Variants in WDR89 observed in about 807,000 individuals in gnomAD.
WDR89 encodes WD repeat domain 89, also known as WD repeat-containing protein 89.
Under a neutral mutation model 29.1 loss-of-function variants are expected in WDR89, and 17 were observed. The ratio of observed to expected loss-of-function variants is 0.58; its 90% CI spans 0.40 to 0.88. The LOEUF (loss-of-function observed/expected upper bound fraction) is 0.88, where lower values mean the gene tolerates loss of function less well. WDR89 is among the 40% of genes least tolerant of loss of function. The pLI is 0.00. For missense variants in WDR89, 396 were observed against 456.3 expected, an observed-to-expected ratio of 0.87 and a Z score of 1.20; for synonymous variants, 138 against 157.8, an observed-to-expected ratio of 0.87 and a Z score of 0.94.
intron 2 of WDR89, among the ~76,000 whole-genome samples, chr14:63,618,732 G>A (rs1166704862): frequency 6.6e-6 from 1 of 151,960 alleles, no homozygotes; most frequent in African/African-American, 2.4e-5. Flanking sequence ...TCAGCAAAAA[G>A]GATAGCAAAA....
In WDR89 at chr14:63,602,229, C is replaced by T. The variant is rs1022055785; in HGVS notation, c.-31-2256G>A. ...GTGGCTCATGCCTGTAATCCCAACACTTCTGGAGGCCGAGGCAGCGATCAC... is the reference window on the plus strand; with the variant it reads ...GTGGCTCATGCCTGTAATCCCAACATTTCTGGAGGCCGAGGCAGCGATCAC... On this transcript the variant is annotated intron_variant, in intron 2 of 2. Coordinates refer to ENST00000620954, the MANE Select transcript of WDR89 (RefSeq NM_080666.4). Among the ~76,000 whole-genome samples the T allele has an allele frequency of 3.9e-5, 6 of 152,076 alleles. No individual in the cohort carries two copies. The South Asian group carries it at 1.2e-3, about 31-fold the overall frequency.
At chr14:63,611,948 G>A (rs1450137348) in intron 2 of WDR89, among the ~76,000 whole-genome samples, 2 of 151,894 alleles carry the variant, frequency 1.3e-5, no homozygotes, top group Non-Finnish European at 2.9e-5. Flanking sequence ...GGCTGGTCTC[G>A]AACTCTTGAG....
Position 63,599,069 on chromosome 14 carries a change from T to C in WDR89, c.874A>G (p.Ile292Val). ...YHEKTDTLHV[I>V]GGTNKGRIHL... ...ATCCTTCCTTTGTTTGTTCCTCCAA[T>C]AACATGCAATGTGTCTGTCTTTTCA... The change falls in exon 3 of 3, where the codon ATT becomes GTT. Residue 292 changes from isoleucine (I) to valine (V), a missense_variant. Physicochemically the swap from Ile to Val is conservative, Grantham distance 29 (BLOSUM62 3). Coordinates refer to ENST00000620954, the MANE Select transcript of WDR89 (RefSeq NM_080666.4). 1 of 1,614,220 alleles carries C rather than the reference T, an allele frequency of 6.2e-7. No homozygotes were observed. Among genetic ancestry groups the C allele is most frequent in the Non-Finnish European group, 8.5e-7 (1 of 1,180,034 alleles).
At chr14:63,634,157 C>G (rs573123772) in intron 1 of WDR89, among the ~76,000 whole-genome samples, 2 of 151,824 alleles carry the variant, frequency 1.3e-5, no homozygotes, top group African/African-American at 4.8e-5. Context: ...GAGGCCGAGG[C>G]AGGTGTATCA....
At chr14:63,618,848 G>A (rs888072359) in intron 2 of WDR89, among the ~76,000 whole-genome samples, 3 of 152,224 alleles carry the variant, frequency 2.0e-5, no homozygotes, top group Non-Finnish European at 4.4e-5. Flanking sequence ...AAAATCTGAA[G>A]AATCTTAACG....
chr14:63,614,689 T>C (rs1412937879), intron 2 of WDR89, among the ~76,000 whole-genome samples: 4 of 152,218 alleles, frequency 2.6e-5, no homozygotes, highest in Non-Finnish European at 4.4e-5. Context: ...AAAACATTTA[T>C]AATTTAGAGA....
chr14:63,605,078 G>C (rs905797155), intron 2 of WDR89, among the ~76,000 whole-genome samples: 2 of 152,066 alleles, frequency 1.3e-5, no homozygotes, highest in African/African-American at 4.8e-5. Flanking sequence ...GAGCCCGGGA[G>C]GCTGAGGCTG....
intron 2 of WDR89, among the ~76,000 whole-genome samples, chr14:63,602,629 A>T (rs902441170): frequency 8.8e-5 from 13 of 147,976 alleles, no homozygotes; most frequent in African/African-American, 3.2e-4. Context: ...AAAATTAGCC[A>T]GGCGTGGTGG....
rs780470544 is a variant in WDR89 at position 63,599,050 on chromosome 14, CCTTT to C, written c.889_892del (p.Lys297GlufsTer5). The C allele has an allele frequency of 1.0e-4, 167 of 1,614,218 alleles. No homozygotes were observed. The highest frequency in any genetic ancestry group is 1.6e-4 in the African/African-American group (12 of 75,058). On this transcript the variant is annotated frameshift_variant, in exon 3 of 3. Coordinates refer to ENST00000620954, the MANE Select transcript of WDR89 (RefSeq NM_080666.4). LOFTEE classifies it high-confidence loss of function. The stretch of plus-strand genomic sequence containing the variant: ...GCTGCAGTTCATCAAATGAATCCTT[CCTTT>C]GTTTGTTCCTCCAATAACATGCAAT...
intron 2 of WDR89, among the ~76,000 whole-genome samples, chr14:63,621,061 T>C (rs1882665209): frequency 6.6e-6 from 1 of 152,094 alleles, no homozygotes; most frequent in Non-Finnish European, 1.5e-5. Context: ...ACTCCATAAA[T>C]ATATACAACT....
At chr14:63,607,850 C>T (rs1881677134) in intron 2 of WDR89, among the ~76,000 whole-genome samples, 1 of 145,170 alleles carries the variant, frequency 6.9e-6, no homozygotes, top group South Asian at 2.2e-4. Context: ...CATTACACTC[C>T]AGCCTGGGCA....
chr14:63,605,181 T>TAC (rs1186492431), intron 2 of WDR89, among the ~76,000 whole-genome samples: 32 of 131,588 alleles, frequency 2.4e-4, no homozygotes, highest in East Asian at 4.2e-4. Context: ...TATATATATA[T>TAC]ACACACACAC....
In WDR89 at chr14:63,623,707, A is replaced by T. The variant is rs911122339; in HGVS notation, c.-32+1221T>A. 9.3e-3 allele frequency among the ~76,000 whole-genome samples: 1,365 copies of T among 147,122 alleles called. 14 individuals are homozygous for T. Among genetic ancestry groups the T allele is most frequent in the African/African-American group, 0.032 (1,288 of 39,746 alleles). On this transcript the variant is annotated intron_variant, in intron 2 of 2. Transcript: ENST00000620954. ...AGACAGAGTGAGACTCTGTCTCAAA[A>T]AAAAAAAAAAAAAAAAAAAAAAAAT...
chr14:63,603,549 T>C (rs1383405898), intron 2 of WDR89, among the ~76,000 whole-genome samples: 3 of 152,218 alleles, frequency 2.0e-5, no homozygotes, highest in Non-Finnish European at 1.5e-5. Context: ...GGCATTCTTC[T>C]ATAAACAAGA....
intron 2 of WDR89, among the ~76,000 whole-genome samples, chr14:63,612,537 G>T (rs928888090): frequency 6.6e-6 from 1 of 151,916 alleles, no homozygotes; most frequent in Non-Finnish European, 1.5e-5. Flanking sequence ...CACCATGCCC[G>T]ACTAATTTTG....
intron 1 of WDR89, among the ~76,000 whole-genome samples, chr14:63,628,640 G>A (rs1370950844): frequency 6.6e-6 from 1 of 152,112 alleles, no homozygotes; most frequent in Admixed American, 6.6e-5. Context: ...GCAATTTGAT[G>A]TCAACCTTAA....
intron 2 of WDR89, among the ~76,000 whole-genome samples, chr14:63,623,247 T>TCAAA (rs989689158): frequency 2.1e-5 from 3 of 145,972 alleles, no homozygotes; most frequent in Non-Finnish European, 4.5e-5. Flanking sequence ...ACTAACCACT[T>TCAAA]CAAACAAACA....
intron 2 of WDR89, among the ~76,000 whole-genome samples, chr14:63,602,957 C>T (rs946274500): frequency 9.2e-5 from 14 of 151,630 alleles, no homozygotes; most frequent in African/African-American, 3.2e-4. Context: ...GGGGTTTCAC[C>T]GTGTTAGCCA....
intron 2 of WDR89, among the ~76,000 whole-genome samples, chr14:63,605,458 A>G (rs1895278600): frequency 6.6e-6 from 1 of 151,748 alleles, no homozygotes; most frequent in Non-Finnish European, 1.5e-5. Context: ...AAAGTCCAAT[A>G]CTATACTTTT....
Sources: gnomAD v4.1 joint callset for allele counts (sites outside exome capture counted in the v4.1 genomes callset) on GRCh38, gnomAD v4.1.1 for gene constraint, MANE v1.5 for transcripts, NCBI Gene and HGNC (gene_info 2026-07-23, HGNC 2026-07-21) for gene names.